Variants in BCL2 observed in about 807,000 individuals in gnomAD.
BCL2 encodes the protein BCL2 apoptosis regulator, also known as apoptosis regulator Bcl-2.
BCL2 carries 1 observed loss-of-function variant against 14.2 expected under a neutral mutation model. That is an observed-to-expected ratio of 0.07 (90% CI 0.02 to 0.33). The LOEUF (loss-of-function observed/expected upper bound fraction) is 0.33. BCL2 is among the 10% of genes least tolerant of loss of function. The pLI is 0.99. For missense variants in BCL2, 247 were observed against 305.9 expected (o/e 0.81, Z 1.44); for synonymous variants, 151 against 137.2 (o/e 1.10, Z -0.70).
At chr18:63,169,357 C>CTTTCTTTCT (rs751925935) in intron 2 of BCL2, among the ~76,000 whole-genome samples, 1 of 61,392 alleles carries the variant, frequency 1.6e-5, no homozygotes, top group East Asian at 5.1e-4. Context: ...TTCTTTCTTT[C>CTTTCTTTCT]TTTCTTTCTT....
At chr18:63,290,083 C>T (rs1206235504) in intron 2 of BCL2, among the ~76,000 whole-genome samples, 1 of 151,996 alleles carries the variant, frequency 6.6e-6, no homozygotes, top group Non-Finnish European at 1.5e-5. Context: ...TGAGCAGAAG[C>T]TGGAAGAATG....
At chr18:63,170,604 G>A (rs1915199734) in intron 2 of BCL2, among the ~76,000 whole-genome samples, 1 of 152,212 alleles carries the variant, frequency 6.6e-6, no homozygotes, top group Non-Finnish European at 1.5e-5. Context: ...TATATGACCA[G>A]TAAATTGGGT....
rs1481878318 is a variant in BCL2, at chr18:63,218,710, C to G, written c.586-89951G>C. Reference sequence around the variant, plus strand: ...ACTCATCCCATTCTCCACTCATCCCCATCCTCCACTCCTCCCCATCCTCCA... The same window carrying G: ...ACTCATCCCATTCTCCACTCATCCCGATCCTCCACTCCTCCCCATCCTCCA... On this transcript the variant is annotated intron_variant, in intron 2 of 2. Transcript: ENST00000333681. Among the ~76,000 whole-genome samples the G allele has an allele frequency of 2.6e-5, 3 of 113,940 alleles. No homozygotes were observed. In the Admixed American group the frequency reaches 2.7e-4, roughly 10 times the overall value. The allele number at this position is 113,940 out of a possible 152,430, so 74.7% of individuals were successfully genotyped here.
In BCL2 at chr18:63,149,847, T is replaced by G. The variant is rs540399828; in HGVS notation, c.586-21088A>C. On this transcript the variant is annotated intron_variant, in intron 2 of 2. Transcript: ENST00000333681. The surrounding 1 kb of genome is among the most constrained non-coding windows in gnomAD (Gnocchi z 4.2). ...AAAGGGTTCTCCTGACATGAGGCAT[T>G]TATTTATTTATTTATTTATTTATTT... Among the ~76,000 whole-genome samples the G allele has an allele frequency of 9.4e-4, 59 of 63,016 alleles. 1 individual carries two copies. The South Asian group carries it at 0.011, about 12-fold the overall frequency. The allele number at this position is 63,016 out of a possible 152,430, so 41.3% of individuals were successfully genotyped here. A position where few individuals can be genotyped will look rare whatever the true frequency, so the allele number is the denominator to read the frequency against.
chr18:63,256,495 G>T (rs144141596), intron 2 of BCL2, among the ~76,000 whole-genome samples: 1 of 152,216 alleles, frequency 6.6e-6, no homozygotes, highest in African/African-American at 2.4e-5. Flanking sequence ...GGGATTACAG[G>T]CGTGAGCCAC....
At chr18:63,301,784 C>T (rs1172491773) in intron 2 of BCL2, among the ~76,000 whole-genome samples, 3 of 152,158 alleles carry the variant, frequency 2.0e-5, no homozygotes, top group Non-Finnish European at 2.9e-5. Flanking sequence ...GAAACCAGTG[C>T]GCCTGTCCAC....
chr18:63,174,380 T>C (rs1599224979), intron 2 of BCL2, among the ~76,000 whole-genome samples: 1 of 151,576 alleles, frequency 6.6e-6, no homozygotes, highest in African/African-American at 2.4e-5. Context: ...TTATTGTTGT[T>C]TTTTTTTTCT....
At chr18:63,173,357 C>G (rs1167673541) in intron 2 of BCL2, among the ~76,000 whole-genome samples, 2 of 152,224 alleles carry the variant, frequency 1.3e-5, no homozygotes, top group East Asian at 3.8e-4. Context: ...AACACCGACT[C>G]TACCTGAACA....
chr18:63,272,761 T>C (rs1399247561), intron 2 of BCL2, among the ~76,000 whole-genome samples: 1 of 152,258 alleles, frequency 6.6e-6, no homozygotes, highest in Non-Finnish European at 1.5e-5. Flanking sequence ...CTGCCGTATA[T>C]ATTTTATATA....
chr18:63,138,908 A>G (rs1483335518), intron 2 of BCL2, among the ~76,000 whole-genome samples: 1 of 152,230 alleles, frequency 6.6e-6, no homozygotes, highest in Non-Finnish European at 1.5e-5. Flanking sequence ...AGGCTGAAAA[A>G]TGAGAAGCCC....
intron 2 of BCL2, among the ~76,000 whole-genome samples, chr18:63,275,082 T>A (rs1468389396): frequency 6.6e-6 from 1 of 151,816 alleles, no homozygotes; most frequent in Non-Finnish European, 1.5e-5. Context: ...TAATATCCTT[T>A]TATATAAAAA....
chr18:63,153,394 A>G (rs1914697848), intron 2 of BCL2, among the ~76,000 whole-genome samples: 1 of 152,214 alleles, frequency 6.6e-6, no homozygotes, highest in South Asian at 2.1e-4. Context: ...ACTGTCAGAG[A>G]TGGCAATTTT....
At position 63,149,496 on chromosome 18, in the gene BCL2, G is replaced by C. The variant is rs940341512; in HGVS notation, c.586-20737C>G. Among the ~76,000 whole-genome samples, 2 of 152,166 alleles carry C rather than the reference G, an allele frequency of 1.3e-5. No homozygotes were observed. Among genetic ancestry groups the C allele is most frequent in the African/African-American group, 4.8e-5 (2 of 41,432 alleles). On this transcript the variant is annotated intron_variant, in intron 2 of 2. Transcript: ENST00000333681. This position sits in a 1 kb window ranked among gnomAD's most constrained non-coding sequence, Gnocchi z 4.2. ...TGTTGGCTGGTGCCAGACGACTTTC[G>C]CTTGTTCTGTCTCTGTTTCTCTTCT... is the stretch of plus-strand genomic sequence containing the variant.
chr18:63,286,641 C>A (rs139912940), intron 2 of BCL2, among the ~76,000 whole-genome samples: 68 of 152,062 alleles, frequency 4.5e-4, no homozygotes, highest in African/African-American at 1.6e-3. Context: ...TCTGAGCCAA[C>A]CTTCAGGGCT....
intron 2 of BCL2, among the ~76,000 whole-genome samples, chr18:63,236,228 T>A (rs113570367): frequency 0.066 from 10,061 of 152,260 alleles, 456 homozygotes; most frequent in Admixed American, 0.12. Flanking sequence ...GAACTGTGAG[T>A]CCATTAAAAC....
chr18:63,202,067 G>T (rs1347420581), intron 2 of BCL2, among the ~76,000 whole-genome samples: 5 of 152,170 alleles, frequency 3.3e-5, no homozygotes, highest in Non-Finnish European at 7.3e-5. Flanking sequence ...CCAGCACTTG[G>T]AGAGGCCGAA....
intron 2 of BCL2, among the ~76,000 whole-genome samples, chr18:63,206,805 C>T (rs907765213): frequency 1.3e-5 from 2 of 151,798 alleles, no homozygotes; most frequent in Non-Finnish European, 2.9e-5. Flanking sequence ...GGGGCAGGGG[C>T]ACGGCCTTGG....
chr18:63,171,490 G>A (rs575697145), intron 2 of BCL2, among the ~76,000 whole-genome samples: 1 of 152,316 alleles, frequency 6.6e-6, no homozygotes, highest in South Asian at 2.1e-4. Flanking sequence ...AGGCTTGCAA[G>A]GGCAAAGCAC....
chr18:63,205,604 A>G (rs1909815148), intron 2 of BCL2, among the ~76,000 whole-genome samples: 2 of 152,228 alleles, frequency 1.3e-5, no homozygotes, highest in African/African-American at 4.8e-5. Flanking sequence ...GAGTATATAC[A>G]AAAGCTAAAT....
Sources: allele counts gnomAD v4.1 joint callset (sites outside exome capture counted in the v4.1 genomes callset), GRCh38; gene constraint gnomAD v4.1.1; non-coding constraint Gnocchi (gnomAD v3.1); transcripts MANE v1.5; gene names NCBI Gene and HGNC (gene_info 2026-07-23, HGNC 2026-07-21).